XIRP2: variants seen among roughly 807,000 people sequenced by gnomAD.
XIRP2 encodes the protein xin actin binding repeat containing 2.
Under a neutral mutation model 277.0 loss-of-function variants are expected in XIRP2, and 236 were observed. That is an observed-to-expected ratio of 0.85 (90% confidence interval 0.77 to 0.95). The LOEUF is 0.95. Ranked by LOEUF, XIRP2 falls within the 40% of genes least tolerant of loss-of-function variation. XIRP2 has a pLI of 0.00. For missense variants in XIRP2, 4,640 were observed against 4,157.5 expected, an observed-to-expected ratio of 1.12 and a Z score of -3.19; for synonymous variants, 1,490 against 1,416.5, an observed-to-expected ratio of 1.05 and a Z score of -1.17.
intron 3 of XIRP2, among the ~76,000 whole-genome samples, chr2:167,182,827 GA>G (rs936160049): frequency 4.6e-5 from 7 of 151,838 alleles, no homozygotes; most frequent in Admixed American, 1.3e-4. Context: ...ATTAAAGAAA[GA>G]AAAAAATATT....
At chr2:167,209,436 C>T (rs1015668079) in intron 3 of XIRP2, among the ~76,000 whole-genome samples, 2 of 151,944 alleles carry the variant, frequency 1.3e-5, no homozygotes, top group Non-Finnish European at 2.9e-5. Context: ...AGAGGAAGAA[C>T]AGGGCACAGA....
chr2:167,178,599 G>T (rs982962405), intron 3 of XIRP2, among the ~76,000 whole-genome samples: 2 of 151,608 alleles, frequency 1.3e-5, no homozygotes, highest in Non-Finnish European at 2.9e-5. Context: ...TTTGTAAATA[G>T]TAATTTTTGT....
intron 3 of XIRP2, among the ~76,000 whole-genome samples, chr2:167,196,121 C>G (rs1693499164): frequency 3.3e-5 from 5 of 152,078 alleles, no homozygotes; most frequent in Non-Finnish European, 1.5e-5. Flanking sequence ...CTTTAACTGA[C>G]TCTTTATTAT....
At chr2:166,906,274 A>G (rs978548227) in intron 2 of XIRP2, among the ~76,000 whole-genome samples, 4 of 152,022 alleles carry the variant, frequency 2.6e-5, no homozygotes, top group Non-Finnish European at 5.9e-5. Flanking sequence ...TAAAATTTGT[A>G]AAATAATTGC....
At chr2:167,029,452 A>G (rs1432673911) in intron 2 of XIRP2, among the ~76,000 whole-genome samples, 2 of 152,044 alleles carry the variant, frequency 1.3e-5, no homozygotes, top group Admixed American at 6.6e-5. Flanking sequence ...TTCTGCATCT[A>G]TTGAGATAGA....
chr2:167,222,145 G>A (rs1694452872), intron 5 of XIRP2, among the ~76,000 whole-genome samples: 1 of 152,182 alleles, frequency 6.6e-6, no homozygotes, highest in South Asian at 2.1e-4. Flanking sequence ...TGGAAGGGCA[G>A]TTCTGAAATA....
At chr2:167,239,725 G>A in intron 5 of XIRP2, 130 bp from the exon 6 acceptor site, 1 of 737,538 alleles carries the variant, frequency 1.4e-6, no homozygotes, top group East Asian at 3.0e-5. Context: ...ATTTGTTATA[G>A]CAGCCAAGAA....
Position 167,251,753 on chromosome 2 carries a change from C to A in XIRP2, c.10361C>A (p.Ala3454Asp). 6 of 1,613,334 alleles carry A rather than the reference C, an allele frequency of 3.7e-6. No homozygotes were observed. The highest frequency in any genetic ancestry group is 5.1e-6 in the Non-Finnish European group (6 of 1,179,562). Residue 3454 changes from alanine (A) to aspartate (D), a missense_variant, in exon 9 of 11, where the codon GCC (alanine) becomes GAC (aspartate). Coordinates refer to ENST00000409195, the MANE Select transcript of XIRP2 (RefSeq NM_152381.6). ...AAATCTGGCTGTGACTTCAAGCATG[C>A]CCCACCAACCTATGAGGATGTCATT... ...AGKSGCDFKH[A>D]PPTYEDVIAG...
Position 167,243,451 on chromosome 2 carries a change from G to A in XIRP2, c.2059G>A (p.Gly687Arg), listed in dbSNP as rs760437327. The A allele has an allele frequency of 2.5e-6, 4 of 1,613,882 alleles. No homozygotes were observed. The African/African-American group carries it at 4.0e-5, about 16-fold the overall frequency. The change falls in exon 9 of 11, where the codon GGG becomes AGG. Residue 687 changes from glycine to arginine, a missense_variant. Coordinates refer to ENST00000409195, the MANE Select transcript of XIRP2 (RefSeq NM_152381.6). ...AVTISKDITG[G>R]DVKTVRYMFE... ...AACTATCAGTAAGGACATAACTGGG[G>A]GGGATGTCAAGACTGTGAGATACAT...
At chr2:167,252,284 A>G (rs1695534157) in intron 9 of XIRP2, among the ~76,000 whole-genome samples, 1 of 152,010 alleles carries the variant, frequency 6.6e-6, no homozygotes, top group South Asian at 2.1e-4. Flanking sequence ...GACAATAATA[A>G]ATAATATCCT....
intron 2 of XIRP2, among the ~76,000 whole-genome samples, chr2:167,014,449 T>C (rs1165185458): frequency 6.6e-6 from 1 of 151,686 alleles, no homozygotes; most frequent in African/African-American, 2.4e-5. Context: ...GGAAAAATTA[T>C]AGAAAGGGAA....
chr2:167,259,189 A>G lies in XIRP2; in HGVS notation c.*1372A>G. 1 of 1,613,516 alleles carries G rather than the reference A, an allele frequency of 6.2e-7. No individual in the cohort carries two copies. The highest frequency in any genetic ancestry group is 8.5e-7 in the Non-Finnish European group (1 of 1,179,690). On this transcript the variant is annotated 3_prime_UTR_variant, in exon 11 of 11. Transcript: ENST00000409195. Reference sequence around the variant, plus strand: ...TAAGGGAATTTGGAAAGGATGTTAAACCTTGGCATGTTGAAACAACAGAAG... The same window carrying G: ...TAAGGGAATTTGGAAAGGATGTTAAGCCTTGGCATGTTGAAACAACAGAAG...
intron 3 of XIRP2, among the ~76,000 whole-genome samples, chr2:167,139,905 T>C (rs1191954665): frequency 6.6e-6 from 1 of 152,172 alleles, no homozygotes; most frequent in Non-Finnish European, 1.5e-5. Context: ...TTCATGTAAA[T>C]CGTCATGATA....
chr2:167,086,374 C>T (rs1165919157), intron 2 of XIRP2, among the ~76,000 whole-genome samples: 1 of 152,182 alleles, frequency 6.6e-6, no homozygotes, highest in Non-Finnish European at 1.5e-5. Flanking sequence ...CTGCCCTTCA[C>T]ATTTTTTCCT....
chr2:166,968,480 G>A (rs1322464204), intron 2 of XIRP2, among the ~76,000 whole-genome samples: 1 of 151,840 alleles, frequency 6.6e-6, no homozygotes, highest in Admixed American at 6.6e-5. Flanking sequence ...TAAAGAATTC[G>A]ACATTCCCTG....
intron 2 of XIRP2, among the ~76,000 whole-genome samples, chr2:167,064,004 GTTTC>G (rs1462564431): frequency 7.9e-5 from 12 of 151,168 alleles, no homozygotes; most frequent in African/African-American, 2.7e-4. Flanking sequence ...TGCTTGCTGT[GTTTC>G]TTTGTTTCTT....
chr2:167,102,423 A>G lies in XIRP2; in HGVS notation c.409-33486A>G, dbSNP rs555065439. Among the ~76,000 whole-genome samples, 3 of 152,328 alleles carry G rather than the reference A, an allele frequency of 2.0e-5. No individual in the cohort carries two copies. The South Asian group carries it at 6.2e-4, about 32-fold the overall frequency. On this transcript the variant is annotated intron_variant, in intron 2 of 10. Transcript: ENST00000409195. ...GTCAAAAATAACTGCAAAAATATGC[A>G]TGTCAGCATGCATATAAGCAACTTG...
chr2:166,975,930 C>CAAAAAAAAAAAAAAAAAAAAA (rs550529718), intron 2 of XIRP2, among the ~76,000 whole-genome samples: 1 of 45,710 alleles, frequency 2.2e-5, no homozygotes, highest in Non-Finnish European at 4.2e-5. Context: ...GACTCCGTCT[C>CAAAAAAAAAAAAAAAAAAAAA]AAAAAAAAAA....
chr2:167,079,718 T>G (rs975878471), intron 2 of XIRP2, among the ~76,000 whole-genome samples: 4 of 151,858 alleles, frequency 2.6e-5, no homozygotes, highest in Admixed American at 2.6e-4. Context: ...CGTCTTTGGA[T>G]TTTCTCTTTT....
Sources: allele counts gnomAD v4.1 joint callset (sites outside exome capture counted in the v4.1 genomes callset), GRCh38; gene constraint gnomAD v4.1.1; transcripts MANE v1.5; gene names NCBI Gene and HGNC (gene_info 2026-07-23, HGNC 2026-07-21).